The following PCDHGB1 variants were observed in gnomAD, a reference collection of about 807,000 sequenced individuals.
The protein encoded by PCDHGB1 is protocadherin gamma subfamily B, 1.
PCDHGB1 carries 34 observed loss-of-function variants against 56.6 expected under a neutral mutation model. That is an observed-to-expected ratio of 0.60 (90% CI 0.46 to 0.80). The LOEUF is 0.80. Ranked by LOEUF, PCDHGB1 falls within the 30% of genes least tolerant of loss-of-function variation. The pLI, the probability that PCDHGB1 is intolerant of heterozygous loss-of-function variation, is 0.00. For synonymous variants in PCDHGB1, 561 were observed against 505.9 expected (o/e 1.11, Z -1.46); for missense variants, 1,278 against 1,204.6 (o/e 1.06, Z -0.90).
Position 141,491,742 on chromosome 5 carries a change from C to CA in PCDHGB1, c.2410-3064dup. The CA allele has an allele frequency of 3.1e-6, 5 of 1,596,114 alleles. No individual in the cohort carries two copies. Among genetic ancestry groups the CA allele is most frequent in the Non-Finnish European group, 4.3e-6 (5 of 1,172,424 alleles). ...CGCCCCGGGCGACCCCTGGGGGCGG[C>CA]ACTGGAGAAGCCGCCCGTCCTCATA... On this transcript the variant is annotated intron_variant, in intron 1 of 3. Coordinates refer to ENST00000523390, the MANE Select transcript of PCDHGB1 (RefSeq NM_018922.3). This position sits in a 1 kb window ranked among gnomAD's most constrained non-coding sequence, Gnocchi z 6.9.
rs769796337 is a variant in PCDHGB1 at position 141,352,074 on chromosome 5, T to C, written c.1814T>C (p.Leu605Pro). ...GHNAWLSYHVLQASEPGLFSL... is the reference protein window; with the variant it reads ...GHNAWLSYHVPQASEPGLFSL... ...AACGCTTGGCTGTCCTACCACGTGC[T>C]GCAGGCCAGCGAGCCCGGGCTCTTC... Residue 605 changes from leucine (L) to proline (P), a missense_variant, in exon 1 of 4, where the codon CTG becomes CCG. Physicochemically the swap from Leu to Pro is moderately conservative, Grantham distance 98. Transcript: ENST00000523390. The C allele has an allele frequency of 1.1e-4, 169 of 1,605,162 alleles. No homozygotes were observed. Among genetic ancestry groups the C allele is most frequent in the Non-Finnish European group, 1.4e-4 (166 of 1,176,758 alleles).
rs898831176 is a variant in PCDHGB1, at chr5:141,351,144, G to A, written c.884G>A (p.Gly295Asp). ...TSLFNLNPNT[G>D]DITTNGTLDF... is the part of the protein sequence containing the mutation. ...CTCTTCAATCTCAATCCAAATACTGGCGACATCACAACCAATGGCACATTG... is the reference window on the plus strand; with the variant it reads ...CTCTTCAATCTCAATCCAAATACTGACGACATCACAACCAATGGCACATTG... Residue 295 changes from glycine (G) to aspartate (D), a missense_variant, in exon 1 of 4, where the codon GGC (glycine) becomes GAC (aspartate). Coordinates refer to ENST00000523390, the MANE Select transcript of PCDHGB1 (RefSeq NM_018922.3). 3 of 1,614,014 alleles carry A rather than the reference G, an allele frequency of 1.9e-6. No homozygotes were observed. Among genetic ancestry groups the A allele is most frequent in the Non-Finnish European group, 2.5e-6 (3 of 1,179,898 alleles).
intron 1 of PCDHGB1, chr5:141,410,263 A>G (rs532833925): frequency 1.4e-5 from 22 of 1,613,876 alleles, no homozygotes; most frequent in African/African-American, 2.7e-5. Flanking sequence ...CCCAGGCTGA[A>G]CTGCAGTTTT....
At chr5:141,357,087 A>G in intron 1 of PCDHGB1, 2 of 1,613,882 alleles carry the variant, frequency 1.2e-6, no homozygotes, top group Non-Finnish European at 1.7e-6. Context: ...TGCGCACCGC[A>G]CGGGCCCTGC....
At chr5:141,374,761 C>T in intron 1 of PCDHGB1, 1 of 1,613,458 alleles carries the variant, frequency 6.2e-7, no homozygotes, top group African/African-American at 1.3e-5. Context: ...CAAGCGTCGC[C>T]CAAATTCTGG....
At chr5:141,462,071 C>T (rs1473972601) in intron 1 of PCDHGB1, among the ~76,000 whole-genome samples, 1 of 152,214 alleles carries the variant, frequency 6.6e-6, no homozygotes, top group African/African-American at 2.4e-5. Context: ...GATCTGCCCG[C>T]CTTGGCCTCC....
intron 1 of PCDHGB1, chr5:141,414,528 C>T: frequency 6.2e-7 from 1 of 1,613,970 alleles, no homozygotes; most frequent in Non-Finnish European, 8.5e-7. Flanking sequence ...ATATCAATGA[C>T]AACCCACCTA....
intron 3 of PCDHGB1, among the ~76,000 whole-genome samples, chr5:141,509,693 G>A (rs72790076): frequency 0.024 from 3,613 of 152,246 alleles, 55 homozygotes; most frequent in East Asian, 0.046. Flanking sequence ...ACAGTGGGAC[G>A]TTGGACTGGA....
Position 141,491,754 on chromosome 5 carries a change from C to T in PCDHGB1, c.2410-3053C>T. ...CCCCTGGGGGCGGCACTGGAGAAGC[C>T]GCCCGTCCTCATAAGGGATTGAACT... On this transcript the variant is annotated intron_variant, in intron 1 of 3. Transcript: ENST00000523390. The surrounding 1 kb of genome is among the most constrained non-coding windows in gnomAD (Gnocchi z 6.9). 5.7e-6 allele frequency: 9 copies of T among 1,582,682 alleles called. No individual in the cohort carries two copies. The highest frequency in any genetic ancestry group is 7.7e-6 in the Non-Finnish European group (9 of 1,165,614).
At chr5:141,503,675 T>C (rs1233495836) in intron 2 of PCDHGB1, among the ~76,000 whole-genome samples, 1 of 152,104 alleles carries the variant, frequency 6.6e-6, no homozygotes. Flanking sequence ...CTTCCCACTT[T>C]TGGGAAGGAG....
chr5:141,409,872 A>G (rs1283725014), intron 1 of PCDHGB1: 1 of 1,612,710 alleles, frequency 6.2e-7, no homozygotes, highest in Non-Finnish European at 8.5e-7. Flanking sequence ...GACCGCAATG[A>G]CAACGCACCG....
At position 141,489,074 on chromosome 5, in the gene PCDHGB1, C is replaced by A; in HGVS notation, c.2410-5733C>A. On this transcript the variant is annotated intron_variant, in intron 1 of 3. Coordinates refer to ENST00000523390, the MANE Select transcript of PCDHGB1 (RefSeq NM_018922.3). The surrounding 1 kb of genome is among the most constrained non-coding windows in gnomAD (Gnocchi z 4.5). ...TTCAGCTCCCCTCCCCCCTGCCCAC[C>A]CCCGCCACTCGGTGACTAAGAACTG... 9.4e-6 allele frequency: 3 copies of A among 320,798 alleles called. No individual in the cohort carries two copies. The highest frequency in any genetic ancestry group is 1.7e-5 in the Non-Finnish European group (3 of 177,744). 19.9% of individuals were successfully genotyped at this position (320,798 alleles called of 1,614,324 possible). A position where few individuals can be genotyped will look rare whatever the true frequency, so the allele number is the denominator to read the frequency against.
At chr5:141,388,487 C>T in intron 1 of PCDHGB1, 1 of 1,613,776 alleles carries the variant, frequency 6.2e-7, no homozygotes, top group Non-Finnish European at 8.5e-7. Flanking sequence ...CACCTTTGGA[C>T]AGAGAAAAGC....
intron 1 of PCDHGB1, chr5:141,373,807 T>C (rs760297070): frequency 1.2e-5 from 4 of 341,172 alleles, no homozygotes; most frequent in Non-Finnish European, 1.1e-5. Flanking sequence ...CTCTGTGTGA[T>C]AGTTTCACAA....
intron 1 of PCDHGB1, chr5:141,391,496 G>C (rs1256159469): frequency 6.6e-6 from 1 of 151,988 alleles, no homozygotes; most frequent in Non-Finnish European, 1.5e-5. Flanking sequence ...GTTTTCAGTA[G>C]AGAAAATATT....
intron 2 of PCDHGB1, among the ~76,000 whole-genome samples, chr5:141,495,834 C>T (rs1366861675): frequency 6.6e-6 from 1 of 152,198 alleles, no homozygotes; most frequent in African/African-American, 2.4e-5. Context: ...CTATCCCCAG[C>T]CTCTATGTTT....
In PCDHGB1 at chr5:141,431,048, A is replaced by T; in HGVS notation, c.2410-63759A>T. On this transcript the variant is annotated intron_variant, in intron 1 of 3. Transcript: ENST00000523390. This position sits in a 1 kb window ranked among gnomAD's most constrained non-coding sequence, Gnocchi z 4.8. ...CAGGATAGACCGGGAGGAGCTCTGT[A>T]TGGGGGCCATCAAGTGTCAATTAAA... 6.2e-7 allele frequency: 1 copy of T among 1,614,180 alleles called. No homozygotes were observed. The highest frequency in any genetic ancestry group is 1.1e-5 in the South Asian group (1 of 91,088).
At chr5:141,494,455 G>A (rs906714175) in intron 1 of PCDHGB1, among the ~76,000 whole-genome samples, 2 of 152,156 alleles carry the variant, frequency 1.3e-5, no homozygotes, top group African/African-American at 4.8e-5. Flanking sequence ...AGGGGGCTTT[G>A]TCTGCACCTC....
At chr5:141,453,780 C>T (rs1330142662) in intron 1 of PCDHGB1, among the ~76,000 whole-genome samples, 3 of 152,090 alleles carry the variant, frequency 2.0e-5, no homozygotes, top group African/African-American at 4.8e-5. Flanking sequence ...TTTTAGTTAC[C>T]ATGGTATATT....
Sources: allele counts gnomAD v4.1 joint callset (sites outside exome capture counted in the v4.1 genomes callset), GRCh38; gene constraint gnomAD v4.1.1; non-coding constraint Gnocchi (gnomAD v3.1); transcripts MANE v1.5; gene names NCBI Gene and HGNC (gene_info 2026-07-23, HGNC 2026-07-21).